The following GMEB1 variants were observed in gnomAD, a reference collection of about 807,000 sequenced individuals.
The protein encoded by GMEB1 is glucocorticoid modulatory element-binding protein 1.
GMEB1 carries 6 observed loss-of-function variants against 52.4 expected under a neutral mutation model. The observed-to-expected ratio is 0.11, with a 90% CI of 0.06 to 0.23. GMEB1 has a LOEUF of 0.23. GMEB1 is among the 10% of genes least tolerant of loss of function. The pLI, the probability that GMEB1 is intolerant of heterozygous loss-of-function variation, is 1.00. For missense variants in GMEB1, 486 were observed against 685.6 expected (o/e 0.71, Z 3.25); for synonymous variants, 255 against 244.9 (o/e 1.04, Z -0.38).
At position 28,716,963 on chromosome 1, in the gene GMEB1, AAG is replaced by A. The variant is rs1671291591; in HGVS notation, c.*2192_*2193del. ...AAATTTAAGGAAAAATAGGTCAAAA[AAG>A]AAAGCACACACCTTAAGAGTGGGAG... On this transcript the variant is annotated 3_prime_UTR_variant, in exon 10 of 10. Coordinates refer to ENST00000373816, the MANE Select transcript of GMEB1 (RefSeq NM_001319674.2). 6.6e-6 allele frequency: 1 copy of A among 152,128 alleles called. No individual in the cohort carries two copies. The highest frequency in any genetic ancestry group is 2.4e-5 in the African/African-American group (1 of 41,446). The allele number at this position is 152,128 out of a possible 1,614,324, so 9.4% of individuals were successfully genotyped here.
In GMEB1 at chr1:28,714,116, T is replaced by A; in HGVS notation, c.1035T>A (p.Asp345Glu). 1.2e-6 allele frequency: 2 copies of A among 1,613,590 alleles called. No individual in the cohort carries two copies. Among genetic ancestry groups the A allele is most frequent in the Non-Finnish European group, 1.7e-6 (2 of 1,179,546 alleles). ...QLEEQKKQGQ[D>E]HRLKSQTVQN... is the part of the protein sequence containing the mutation. ...AGGAGCAGAAGAAGCAAGGCCAGGA[T>A]CACAGGCTGAAATCTCAGACAGTTC... The change falls in exon 10 of 10, where the codon GAT becomes GAA. Residue 345 changes from aspartate to glutamate, a missense_variant. Asp to Glu is a conservative substitution (Grantham distance 45). Transcript: ENST00000373816.
intron 5 of GMEB1, among the ~76,000 whole-genome samples, chr1:28,695,591 T>TA (rs1403705454): frequency 1.3e-5 from 2 of 151,930 alleles, no homozygotes; most frequent in Admixed American, 1.3e-4. Context: ...TGTTTTTATT[T>TA]AAAAAATTTT....
chr1:28,698,835 T>C (rs1400672320), intron 6 of GMEB1, among the ~76,000 whole-genome samples: 3 of 151,734 alleles, frequency 2.0e-5, no homozygotes. Flanking sequence ...AATACAAAAA[T>C]TAGCCGGGTG....
chr1:28,704,900 T>A (rs866458187), intron 8 of GMEB1, among the ~76,000 whole-genome samples: 13 of 151,218 alleles, frequency 8.6e-5, no homozygotes, highest in Middle Eastern at 3.4e-3. Context: ...GAGCCACCGC[T>A]CCCAGCCTAC....
At chr1:28,701,123 A>T (rs1017759942) in intron 6 of GMEB1, among the ~76,000 whole-genome samples, 4 of 151,974 alleles carry the variant, frequency 2.6e-5, no homozygotes, top group Non-Finnish European at 5.9e-5. Context: ...GGACAACTGT[A>T]CTTCCTTTTT....
At chr1:28,683,281 A>G (rs1669480049) in intron 1 of GMEB1, among the ~76,000 whole-genome samples, 1 of 151,150 alleles carries the variant, frequency 6.6e-6, no homozygotes, top group Non-Finnish European at 1.5e-5. Flanking sequence ...GCTGGGGTGC[A>G]ATGGCATGAT....
rs1670977178 is a variant in GMEB1 at position 28,710,105 on chromosome 1, T to C, written c.869-415T>C. Among the ~76,000 whole-genome samples the C allele has an allele frequency of 2.0e-5, 3 of 152,000 alleles. No homozygotes were observed. In the South Asian group the frequency reaches 6.2e-4, roughly 32 times the overall value. On this transcript the variant is annotated intron_variant, in intron 8 of 9. Coordinates refer to ENST00000373816, the MANE Select transcript of GMEB1 (RefSeq NM_001319674.2). ...GAGGTTGCAATGAGCTGAGATCATG[T>C]TACTGCACTCCAGCCTGGGGGACAG... is the stretch of plus-strand genomic sequence containing the variant.
chr1:28,675,732 A>G (rs1163778989), intron 1 of GMEB1, among the ~76,000 whole-genome samples: 1 of 152,092 alleles, frequency 6.6e-6, no homozygotes, highest in African/African-American at 2.4e-5. Context: ...AAAAGAAAAA[A>G]GAATTCCAGA....
chr1:28,678,447 C>T (rs1270785524), intron 1 of GMEB1, among the ~76,000 whole-genome samples: 6 of 151,638 alleles, frequency 4.0e-5, no homozygotes, highest in South Asian at 2.1e-4. Context: ...GTAGCTTGGA[C>T]TACAGGGGCC....
At chr1:28,698,557 C>T (rs1254578297) in intron 6 of GMEB1, among the ~76,000 whole-genome samples, 1 of 151,788 alleles carries the variant, frequency 6.6e-6, no homozygotes, top group African/African-American at 2.4e-5. Flanking sequence ...TGCCTGTAGT[C>T]CCAGCTACTC....
At chr1:28,686,335 T>C (rs1379585863) in intron 2 of GMEB1, among the ~76,000 whole-genome samples, 1 of 151,616 alleles carries the variant, frequency 6.6e-6, no homozygotes, top group African/African-American at 2.4e-5. Context: ...AGTAAGACCG[T>C]GTGTCAAAAA....
At chr1:28,683,999 CTTATT>C (rs938978405) in intron 2 of GMEB1, among the ~76,000 whole-genome samples, 8 of 151,990 alleles carry the variant, frequency 5.3e-5, no homozygotes, top group African/African-American at 1.7e-4. Context: ...GCTCCCTCAT[CTTATT>C]TTATTATTAT....
intron 9 of GMEB1, 50 bp from the exon 10 acceptor site, chr1:28,714,023 T>C: frequency 7.2e-7 from 1 of 1,380,854 alleles, no homozygotes; most frequent in Non-Finnish European, 1.0e-6. Flanking sequence ...AGTTTAATGC[T>C]CCCAAGATTT....
In GMEB1 at chr1:28,686,348, CA is replaced by C. The variant is rs1167256672; in HGVS notation, c.128+2616del. 1.1e-4 allele frequency among the ~76,000 whole-genome samples: 16 copies of C among 150,518 alleles called. 1 individual carries two copies. The highest frequency in any genetic ancestry group is 1.8e-4 in the Non-Finnish European group (12 of 67,596). ...AGAGTAAGACCGTGTGTCAAAAAAA[CA>C]AAAAAAAGGCCGGGTATGGTAGCTC... On this transcript the variant is annotated intron_variant, in intron 2 of 9. Coordinates refer to ENST00000373816, the MANE Select transcript of GMEB1 (RefSeq NM_001319674.2).
At chr1:28,677,915 G>A (rs1424737432) in intron 1 of GMEB1, among the ~76,000 whole-genome samples, 2 of 152,082 alleles carry the variant, frequency 1.3e-5, no homozygotes, top group Admixed American at 1.3e-4. Context: ...CGGGCATGGT[G>A]GCTCACGCTT....
chr1:28,674,573 T>C (rs1476922408), intron 1 of GMEB1, among the ~76,000 whole-genome samples: 2 of 151,884 alleles, frequency 1.3e-5, no homozygotes, highest in African/African-American at 2.4e-5. Flanking sequence ...TTTGTATTTT[T>C]AGTAGAGATG....
chr1:28,680,529 GATCAAGACC>G (rs2124471517), intron 1 of GMEB1, among the ~76,000 whole-genome samples: 1 of 152,132 alleles, frequency 6.6e-6, no homozygotes, highest in Admixed American at 6.6e-5. Flanking sequence ...GAGGTCAAGA[GATCAAGACC>G]ATCCTGGCCA....
In GMEB1 at chr1:28,714,758, G is replaced by A; in HGVS notation, c.1677G>A (p.Val559=). 1 of 1,607,276 alleles carries A rather than the reference G, an allele frequency of 6.2e-7. No homozygotes were observed. Among genetic ancestry groups the A allele is most frequent in the East Asian group, 2.2e-5 (1 of 44,704 alleles). Reference sequence around the variant, plus strand: ...ATCAAGTTCACAATGTGGAGATTGTGGTCTTAGAGGATTAACTGGGGATCT... The same window carrying A: ...ATCAAGTTCACAATGTGGAGATTGTAGTCTTAGAGGATTAACTGGGGATCT... The part of the protein sequence containing the change: ...HQHQVHNVEI[V]VLED Residue 559 remains valine, a synonymous_variant, in exon 10 of 10, where the codon GTG becomes GTA. Coordinates refer to ENST00000373816, the MANE Select transcript of GMEB1 (RefSeq NM_001319674.2).
At chr1:28,695,204 T>C (rs1670143927) in intron 5 of GMEB1, among the ~76,000 whole-genome samples, 1 of 151,716 alleles carries the variant, frequency 6.6e-6, no homozygotes, top group Admixed American at 6.6e-5. Context: ...TGACCTCAAA[T>C]GCTCTGCCCA....
Sources: allele counts gnomAD v4.1 joint callset (sites outside exome capture counted in the v4.1 genomes callset), GRCh38; gene constraint gnomAD v4.1.1; transcripts MANE v1.5; gene names NCBI Gene and HGNC (gene_info 2026-07-23, HGNC 2026-07-21).